The following KCNIP4 variants were observed in gnomAD, a reference collection of about 807,000 sequenced individuals.
KCNIP4 encodes the protein Kv channel-interacting protein 4.
In KCNIP4, 12 loss-of-function variants were observed where a neutral mutation model predicts 34.0. The ratio of observed to expected loss-of-function variants is 0.35; its 90% CI spans 0.23 to 0.57. KCNIP4 has a LOEUF of 0.57. Ranked by LOEUF, KCNIP4 falls within the 20% of genes least tolerant of loss-of-function variation. The pLI is 0.83. For missense variants in KCNIP4, 238 were observed against 311.7 expected, an observed-to-expected ratio of 0.76 and a Z score of 1.78; for synonymous variants, 124 against 102.2, an observed-to-expected ratio of 1.21 and a Z score of -1.29.
chr4:21,097,767 A>G (rs1459843666), intron 1 of KCNIP4, among the ~76,000 whole-genome samples: 1 of 152,048 alleles, frequency 6.6e-6, no homozygotes, highest in African/African-American at 2.4e-5. Flanking sequence ...TTGAAATTAG[A>G]CCAATTAATA....
intron 1 of KCNIP4, among the ~76,000 whole-genome samples, chr4:21,755,533 C>T (rs1717449308): frequency 6.6e-6 from 1 of 152,106 alleles, no homozygotes; most frequent in Admixed American, 6.6e-5. Context: ...GAACAATGGT[C>T]CCTAATCCCA....
chr4:20,844,966 T>G (rs907565574), intron 3 of KCNIP4, among the ~76,000 whole-genome samples: 3 of 152,100 alleles, frequency 2.0e-5, no homozygotes, highest in Admixed American at 1.3e-4. Flanking sequence ...AAGCCAAACA[T>G]GGAGGGTGGG....
intron 1 of KCNIP4, among the ~76,000 whole-genome samples, chr4:21,501,248 T>TCACACACACACACACA (rs34406802): frequency 1.9e-5 from 2 of 104,190 alleles, no homozygotes; most frequent in South Asian, 7.9e-4. Context: ...TCTCTCTCTC[T>TCACACACACACACACA]CACACACACA....
chr4:21,644,779 C>T (rs1202471697), intron 1 of KCNIP4, among the ~76,000 whole-genome samples: 1 of 151,988 alleles, frequency 6.6e-6, no homozygotes, highest in Non-Finnish European at 1.5e-5. Flanking sequence ...TGGGATACTG[C>T]TTGTAGTTTG....
chr4:21,666,472 G>C (rs773335867), intron 1 of KCNIP4, among the ~76,000 whole-genome samples: 1 of 152,162 alleles, frequency 6.6e-6, no homozygotes, highest in Admixed American at 6.5e-5. Context: ...TACATATCAG[G>C]ATGATTTATG....
At chr4:21,819,823 C>T (rs1722218307) in intron 1 of KCNIP4, among the ~76,000 whole-genome samples, 1 of 152,026 alleles carries the variant, frequency 6.6e-6, no homozygotes, top group Non-Finnish European at 1.5e-5. Flanking sequence ...TTGAGAGACA[C>T]TTACTTATTG....
intron 1 of KCNIP4, among the ~76,000 whole-genome samples, chr4:21,693,519 C>T (rs888936156): frequency 2.0e-5 from 3 of 152,110 alleles, no homozygotes; most frequent in Admixed American, 6.6e-5. Context: ...GCTGAGATCG[C>T]ACCACTGCAC....
At chr4:21,066,832 C>A (rs959582563) in intron 1 of KCNIP4, among the ~76,000 whole-genome samples, 1 of 152,150 alleles carries the variant, frequency 6.6e-6, no homozygotes, top group Non-Finnish European at 1.5e-5. Flanking sequence ...GGACTGCAAT[C>A]CCTGGGCAAG....
Position 21,820,140 on chromosome 4 carries a change from A to T in KCNIP4, c.61+128431T>A, listed in dbSNP as rs141998707. Among the ~76,000 whole-genome samples, 984 of 151,770 alleles carry T rather than the reference A, an allele frequency of 6.5e-3. 6 individuals are homozygous for T. The highest frequency in any genetic ancestry group is 0.01 in the Middle Eastern group (3 of 292). On this transcript the variant is annotated intron_variant, in intron 1 of 8. Coordinates refer to ENST00000382152, the MANE Select transcript of KCNIP4 (RefSeq NM_025221.6). ...AAGAAAATATCAAATGATCATAAAA[A>T]ATTAGATGTCTCCTTGAACTTATTT... is the stretch of plus-strand genomic sequence containing the variant.
chr4:21,036,169 A>G (rs1741425335), intron 1 of KCNIP4, among the ~76,000 whole-genome samples: 1 of 152,176 alleles, frequency 6.6e-6, no homozygotes, highest in South Asian at 2.1e-4. Context: ...TACTTATGCT[A>G]TGCCTTCTAC....
At chr4:21,057,342 T>A (rs1743500695) in intron 1 of KCNIP4, among the ~76,000 whole-genome samples, 4 of 152,206 alleles carry the variant, frequency 2.6e-5, no homozygotes, top group Admixed American at 1.3e-4. Context: ...AGATTTTCTA[T>A]CCCTTTTATT....
chr4:20,903,847 G>A (rs1028003063), intron 1 of KCNIP4, among the ~76,000 whole-genome samples: 4 of 152,076 alleles, frequency 2.6e-5, no homozygotes, highest in Non-Finnish European at 4.4e-5. Flanking sequence ...AACTAGCAAT[G>A]CCTTTAATTG....
chr4:21,189,080 T>C (rs537363916), intron 1 of KCNIP4, among the ~76,000 whole-genome samples: 1 of 152,246 alleles, frequency 6.6e-6, no homozygotes, highest in South Asian at 2.1e-4. Context: ...AATACTTATG[T>C]TGCAGAGCTA....
intron 1 of KCNIP4, among the ~76,000 whole-genome samples, chr4:21,188,398 G>T (rs1353586127): frequency 6.6e-6 from 1 of 152,108 alleles, no homozygotes; most frequent in Non-Finnish European, 1.5e-5. Flanking sequence ...TCTAATCAAA[G>T]AAAACATTGA....
chr4:21,615,895 C>T (rs910351640), intron 1 of KCNIP4, among the ~76,000 whole-genome samples: 1 of 152,192 alleles, frequency 6.6e-6, no homozygotes, highest in East Asian at 1.9e-4. Context: ...TCTGAGCAAT[C>T]CTTGTCTCTT....
At chr4:21,054,680 G>A (rs1451460890) in intron 1 of KCNIP4, among the ~76,000 whole-genome samples, 1 of 126,646 alleles carries the variant, frequency 7.9e-6, no homozygotes, top group Non-Finnish European at 1.6e-5. Context: ...AGGGGTGCCA[G>A]ACTCAACAAA....
chr4:21,073,634 C>A (rs1745187614), intron 1 of KCNIP4, among the ~76,000 whole-genome samples: 1 of 152,130 alleles, frequency 6.6e-6, no homozygotes, highest in Non-Finnish European at 1.5e-5. Flanking sequence ...TTATTTCTTT[C>A]TCCTGCCTGA....
intron 1 of KCNIP4, among the ~76,000 whole-genome samples, chr4:21,804,246 T>C (rs1721168805): frequency 6.6e-6 from 1 of 152,218 alleles, no homozygotes; most frequent in Non-Finnish European, 1.5e-5. Flanking sequence ...ACAGCAGTCA[T>C]GTTAGCTGAG....
At chr4:21,823,842 C>A (rs865982780) in intron 1 of KCNIP4, among the ~76,000 whole-genome samples, 8 of 152,154 alleles carry the variant, frequency 5.3e-5, no homozygotes, top group Admixed American at 3.9e-4. Flanking sequence ...AAAATGACCA[C>A]CGATTTTTCC....
Sources: gnomAD v4.1 joint callset for allele counts (sites outside exome capture counted in the v4.1 genomes callset) on GRCh38, gnomAD v4.1.1 for gene constraint, MANE v1.5 for transcripts, NCBI Gene and HGNC (gene_info 2026-07-23, HGNC 2026-07-21) for gene names.